Variants in SLC35E4 observed in about 807,000 individuals in gnomAD.
SLC35E4 encodes the protein solute carrier family 35 member E4.
Under a neutral mutation model 19.3 loss-of-function variants are expected in SLC35E4, and 15 were observed. That is an observed-to-expected ratio of 0.78 (90% confidence interval 0.52 to 1.20). The LOEUF (loss-of-function observed/expected upper bound fraction) is 1.20, where lower values mean the gene tolerates loss of function less well. Ranked by LOEUF, SLC35E4 falls within the 50% of genes most tolerant of loss-of-function variation. The probability of loss-of-function intolerance (pLI) is 0.00; values close to 1 mark genes in which losing one functional copy is unlikely to be tolerated. For synonymous variants in SLC35E4, 219 were observed against 219.9 expected (o/e 1.00, Z 0.04); for missense variants, 406 against 472.3 (o/e 0.86, Z 1.30).
chr22:30,661,331 G>A (rs1438667968), intron 2 of SLC35E4: 2 of 152,026 alleles, frequency 1.3e-5, no homozygotes, highest in African/African-American at 2.4e-5. Context: ...AAGCATTCTG[G>A]ATTTTAGAGT....
chr22:30,636,956 C>G lies in SLC35E4; in HGVS notation c.506C>G (p.Pro169Arg), dbSNP rs751116354. ...HHPLQLAAMGPLCLGAACSLA... is the reference protein window; with the variant it reads ...HHPLQLAAMGRLCLGAACSLA... ...CCACTTCAGTTGGCCGCCATGGGTCCGCTCTGCCTGGGGGCCGCCTGCAGC... is the reference window on the plus strand; with the variant it reads ...CCACTTCAGTTGGCCGCCATGGGTCGGCTCTGCCTGGGGGCCGCCTGCAGC... Residue 169 changes from proline to arginine, a missense_variant, in exon 1 of 2, where the codon CCG becomes CGG. Transcript: ENST00000343605. 3.1e-6 allele frequency: 5 copies of G among 1,612,098 alleles called. No homozygotes were observed. In the South Asian group the frequency reaches 3.3e-5, roughly 11 times the overall value.
chr22:30,667,745 C>A (rs536771105), downstream of SLC35E4: 1 of 152,994 alleles, frequency 6.5e-6, no homozygotes, highest in African/African-American at 2.4e-5. Flanking sequence ...GTCCCCGTGG[C>A]GAAGCAGGGT....
At chr22:30,640,841 CCAGG>C (rs1412903552) in intron 1 of SLC35E4, among the ~76,000 whole-genome samples, 1 of 152,082 alleles carries the variant, frequency 6.6e-6, no homozygotes, top group Non-Finnish European at 1.5e-5. Flanking sequence ...ATCCTGTGAC[CCAGG>C]CCTGGGAGAA....
At chr22:30,668,455 T>G (rs959476206) in exon 3 of SLC35E4, 10 of 152,430 alleles carry the variant, frequency 6.6e-5, no homozygotes, top group Non-Finnish European at 1.3e-4. Context: ...CACCAGCCCC[T>G]TCCCAGTCTA....
rs1462400759 is a variant in SLC35E4 at position 30,636,467 on chromosome 22, C to G, written c.17C>G (p.Pro6Arg). 2 of 1,497,670 alleles carry G rather than the reference C, an allele frequency of 1.3e-6. No homozygotes were observed. Among genetic ancestry groups the G allele is most frequent in the Admixed American group, 4.3e-5 (2 of 46,082 alleles). 92.8% of individuals were successfully genotyped at this position (1,497,670 alleles called of 1,614,324 possible). The change falls in exon 1 of 2, where the codon CCG becomes CGG. Residue 6 changes from proline to arginine, a missense_variant. Coordinates refer to ENST00000343605, the MANE Select transcript of SLC35E4 (RefSeq NM_001001479.4). MCRCP[P>R]EHHDGRMTSA... is the part of the protein sequence containing the mutation. ...CTGGTGCGGATGTGCCGCTGCCCGC[C>G]GGAGCACCATGATGGCAGGATGACC...
intron 1 of SLC35E4, among the ~76,000 whole-genome samples, chr22:30,637,653 G>A (rs2087972966): frequency 1.3e-5 from 2 of 152,158 alleles, no homozygotes; most frequent in Admixed American, 6.5e-5. Context: ...GCTTCCTGAA[G>A]TTCTGGAATT....
downstream of SLC35E4, chr22:30,665,477 CT>C: frequency 2.1e-6 from 1 of 469,978 alleles, no homozygotes; most frequent in Non-Finnish European, 4.4e-6. Flanking sequence ...AGTCTCTTTC[CT>C]TATGAACCCA....
intron 1 of SLC35E4, among the ~76,000 whole-genome samples, chr22:30,644,730 G>A (rs2088100276): frequency 6.6e-6 from 1 of 152,108 alleles, no homozygotes; most frequent in African/African-American, 2.4e-5. Flanking sequence ...ACCAGACCCT[G>A]TCTCAAATAA....
exon 3 of SLC35E4, chr22:30,663,151 A>G (rs2088524577): frequency 2.8e-6 from 1 of 351,676 alleles, no homozygotes; most frequent in Non-Finnish European, 5.2e-6. Context: ...TGCCATGTGC[A>G]ATGGGTGCTG....
At chr22:30,642,657 C>A (rs1483397149) in intron 1 of SLC35E4, among the ~76,000 whole-genome samples, 1 of 148,614 alleles carries the variant, frequency 6.7e-6, no homozygotes, top group Non-Finnish European at 1.5e-5. Flanking sequence ...AGGAGAATCT[C>A]TTGAACCAGG....
chr22:30,639,454 G>A (rs1395507888), intron 1 of SLC35E4, among the ~76,000 whole-genome samples: 1 of 152,130 alleles, frequency 6.6e-6, no homozygotes, highest in African/African-American at 2.4e-5. Context: ...CAGGGTTTGA[G>A]AGCAGACAAC....
chr22:30,660,626 T>C (rs1313236206), intron 2 of SLC35E4, among the ~76,000 whole-genome samples: 1 of 152,180 alleles, frequency 6.6e-6, no homozygotes, highest in Non-Finnish European at 1.5e-5. Context: ...CCCAGATATC[T>C]GAAACACAAT....
At chr22:30,649,343 G>A (rs1318193124), downstream of SLC35E4, 3 of 691,356 alleles carry the variant, frequency 4.3e-6, no homozygotes, top group East Asian at 2.7e-5. Flanking sequence ...ATTTGTGTGA[G>A]GACTAGGAGC....
Position 30,637,078 on chromosome 22 carries a change from C to CT in SLC35E4, c.619+10dup. 3.2e-6 allele frequency: 5 copies of CT among 1,549,222 alleles called. No individual in the cohort carries two copies. The South Asian group carries it at 3.6e-5, about 11-fold the overall frequency. ...CAAGTCGGTTCAGCAAAGTAAGTGCCTGGGTGGCCAATTGAGAAGGTGGGG... is the reference window on the plus strand; with the variant it reads ...CAAGTCGGTTCAGCAAAGTAAGTGCCTTGGGTGGCCAATTGAGAAGGTGGGG... On this transcript the variant is annotated intron_variant, in intron 1 of 1. Coordinates refer to ENST00000343605, the MANE Select transcript of SLC35E4 (RefSeq NM_001001479.4).
At chr22:30,648,282 T>G (rs1221620802), downstream of SLC35E4, among the ~76,000 whole-genome samples, 4 of 152,126 alleles carry the variant, frequency 2.6e-5, no homozygotes, top group East Asian at 7.7e-4. Context: ...CCCTGGGCTC[T>G]GCCTTCCAGC....
downstream of SLC35E4, chr22:30,663,660 C>T (rs1340626696): frequency 6.2e-7 from 1 of 1,614,102 alleles, no homozygotes; most frequent in East Asian, 2.2e-5. Flanking sequence ...GTAGGCGAGG[C>T]ACAGGGCAGC....
At chr22:30,642,525 G>C (rs1366171136) in intron 1 of SLC35E4, among the ~76,000 whole-genome samples, 2 of 151,380 alleles carry the variant, frequency 1.3e-5, no homozygotes, top group African/African-American at 4.9e-5. Context: ...CTCACTTGAG[G>C]TCAGGAGTTC....
intron 2 of SLC35E4, among the ~76,000 whole-genome samples, chr22:30,660,537 T>G (rs1602098811): frequency 6.6e-6 from 1 of 152,136 alleles, no homozygotes; most frequent in African/African-American, 2.4e-5. Context: ...AGCTCTAACA[T>G]TCATGTTATC....
At chr22:30,644,304 T>C (rs1472807469) in intron 1 of SLC35E4, among the ~76,000 whole-genome samples, 1 of 152,192 alleles carries the variant, frequency 6.6e-6, no homozygotes, top group African/African-American at 2.4e-5. Flanking sequence ...AGCCTATGAG[T>C]AAGCATCTCT....
Sources: gnomAD v4.1 joint callset for allele counts (sites outside exome capture counted in the v4.1 genomes callset) on GRCh38, gnomAD v4.1.1 for gene constraint, MANE v1.5 for transcripts, NCBI Gene and HGNC (gene_info 2026-07-23, HGNC 2026-07-21) for gene names.